Variants in KANK1 observed in about 807,000 individuals in gnomAD.
The protein encoded by KANK1 is KN motif and ankyrin repeat domains 1, also known as KN motif and ankyrin repeat domain-containing protein 1.
A neutral mutation model predicts 106.2 loss-of-function variants in KANK1; 109 were observed. The observed-to-expected ratio is 1.03, with a 90% CI of 0.88 to 1.20. The LOEUF (loss-of-function observed/expected upper bound fraction) is 1.20, where lower values mean the gene tolerates loss of function less well. Among genes scored for constraint, KANK1 ranks in the 50% most tolerant of loss-of-function variants. The pLI, the probability that KANK1 is intolerant of heterozygous loss-of-function variation, is 0.00. For synonymous variants in KANK1, 873 were observed against 652.2 expected (o/e 1.34, Z -5.16); for missense variants, 2,399 against 1,710.7 (o/e 1.40, Z -7.10).
intron 1 of KANK1, among the ~76,000 whole-genome samples, chr9:516,513 A>T (rs2059283220): frequency 6.6e-6 from 1 of 151,492 alleles, no homozygotes; most frequent in South Asian, 2.1e-4. Context: ...GAACTTAGTG[A>T]TGTTCTTTCT....
intron 3 of KANK1, among the ~76,000 whole-genome samples, chr9:719,385 C>T (rs1828693355): frequency 6.6e-6 from 1 of 152,132 alleles, no homozygotes; most frequent in African/African-American, 2.4e-5. Context: ...AATTTCAGTC[C>T]TACCTGTTCT....
At chr9:532,041 A>G (rs1460554714) in intron 1 of KANK1, among the ~76,000 whole-genome samples, 1 of 152,178 alleles carries the variant, frequency 6.6e-6, no homozygotes, top group Non-Finnish European at 1.5e-5. Flanking sequence ...ATTGGACATG[A>G]GCACAAACAC....
chr9:685,526 AC>A (rs1265129581), intron 2 of KANK1: 1 of 152,152 alleles, frequency 6.6e-6, no homozygotes, highest in African/African-American at 2.4e-5. Flanking sequence ...TTGTACTCTT[AC>A]CTTGTTTATG....
chr9:725,089 G>C (rs1470105616), intron 3 of KANK1, among the ~76,000 whole-genome samples: 2 of 152,130 alleles, frequency 1.3e-5, no homozygotes, highest in African/African-American at 2.4e-5. Flanking sequence ...GAATCGTCCA[G>C]GTAGCCCCCA....
intron 11 of KANK1, chr9:744,889 C>A (rs368415380): frequency 5.7e-6 from 8 of 1,411,794 alleles, no homozygotes; most frequent in African/African-American, 1.4e-5. Context: ...GGGGATATTT[C>A]GCCATGGTTC....
chr9:730,077 T>C lies in KANK1; in HGVS notation c.2725T>C (p.Cys909Arg). ...CAATTATTTGGGATATACCTGTAAG[T>C]GTGGGGGCCTTCAGTCAGGAAGTCC... ...TGNYLGYTCK[C>R]GGLQSGSPLS... The change falls in exon 4 of 12, where the codon TGT (cysteine) becomes CGT (arginine). Residue 909 changes from cysteine to arginine, a missense_variant. Physicochemically the swap from Cys to Arg is radical, Grantham distance 180. Transcript: ENST00000382297. The C allele has an allele frequency of 6.2e-7, 1 of 1,614,148 alleles. No homozygotes were observed. Among genetic ancestry groups the C allele is most frequent in the South Asian group, 1.1e-5 (1 of 91,086 alleles).
chr9:587,725 A>C (rs1273658424), intron 1 of KANK1, among the ~76,000 whole-genome samples: 3 of 152,156 alleles, frequency 2.0e-5, no homozygotes, highest in Non-Finnish European at 2.9e-5. Context: ...TATTCTCATA[A>C]CCCTTGGTAC....
chr9:601,837 G>C (rs1301328486), intron 1 of KANK1, among the ~76,000 whole-genome samples: 2 of 151,656 alleles, frequency 1.3e-5, no homozygotes, highest in Non-Finnish European at 2.9e-5. Flanking sequence ...CCCTACTTTT[G>C]GAATCAGTCA....
chr9:534,621 C>T (rs928536412), intron 1 of KANK1, among the ~76,000 whole-genome samples: 2 of 152,188 alleles, frequency 1.3e-5, no homozygotes, highest in Non-Finnish European at 2.9e-5. Flanking sequence ...TATGCAGCAG[C>T]CTACTGGCTG....
At chr9:627,993 A>G (rs1365676923) in intron 1 of KANK1, among the ~76,000 whole-genome samples, 4 of 152,264 alleles carry the variant, frequency 2.6e-5, no homozygotes, top group Non-Finnish European at 5.9e-5. Flanking sequence ...AGGAGCATTC[A>G]GAATATTTGT....
At chr9:670,688 T>G (rs1418221153) in intron 1 of KANK1, among the ~76,000 whole-genome samples, 1 of 152,180 alleles carries the variant, frequency 6.6e-6, no homozygotes, top group African/African-American at 2.4e-5. Flanking sequence ...GAGATGGTAA[T>G]CCTGCCTCCT....
chr9:653,505 A>G (rs7851766), intron 1 of KANK1, among the ~76,000 whole-genome samples: 27,580 of 152,014 alleles, frequency 0.18, 2,738 homozygotes, highest in East Asian at 0.32. Flanking sequence ...TTCAGAGGTT[A>G]TTGACTTTCC....
intron 1 of KANK1, among the ~76,000 whole-genome samples, chr9:640,854 G>A (rs750967815): frequency 6.6e-6 from 1 of 151,756 alleles, no homozygotes; most frequent in South Asian, 2.1e-4. Context: ...CCGCCACCAG[G>A]CCCAGCTAAT....
chr9:518,983 C>G (rs553279314), intron 1 of KANK1, among the ~76,000 whole-genome samples: 25 of 151,666 alleles, frequency 1.6e-4, no homozygotes, highest in Admixed American at 9.2e-4. Flanking sequence ...CTCCCCCTTC[C>G]AGGTTCCAGT....
intron 1 of KANK1, among the ~76,000 whole-genome samples, chr9:602,214 C>G (rs187940050): frequency 6.6e-6 from 1 of 151,930 alleles, no homozygotes; most frequent in African/African-American, 2.4e-5. Context: ...ATAACTATTC[C>G]TGAGTTTCTG....
chr9:673,837 G>T (rs1211655684), intron 1 of KANK1: 2 of 151,990 alleles, frequency 1.3e-5, no homozygotes, highest in African/African-American at 4.8e-5. Context: ...AAGCCGTTAT[G>T]GAGCAAGAGT....
At chr9:667,563 T>C (rs1844919108) in intron 1 of KANK1, among the ~76,000 whole-genome samples, 1 of 152,096 alleles carries the variant, frequency 6.6e-6, no homozygotes, top group African/African-American at 2.4e-5. Flanking sequence ...TGTTTATTGC[T>C]ATAAACCTCC....
chr9:725,035 G>A (rs1342275592), intron 3 of KANK1, among the ~76,000 whole-genome samples: 1 of 152,194 alleles, frequency 6.6e-6, no homozygotes, highest in Admixed American at 6.5e-5. Context: ...GCTGAATTCA[G>A]TATTGTGTGT....
At chr9:647,402 ATAAT>A (rs1563921593) in intron 1 of KANK1, among the ~76,000 whole-genome samples, 1 of 150,978 alleles carries the variant, frequency 6.6e-6, no homozygotes, top group African/African-American at 2.5e-5. Flanking sequence ...TGAGAAATAA[ATAAT>A]AGGAACTTTA....
Sources: gnomAD v4.1 joint callset for allele counts (sites outside exome capture counted in the v4.1 genomes callset) on GRCh38, gnomAD v4.1.1 for gene constraint, MANE v1.5 for transcripts, NCBI Gene and HGNC (gene_info 2026-07-23, HGNC 2026-07-21) for gene names.